The following GNA12 variants were observed in gnomAD, a reference collection of about 807,000 sequenced individuals.
The protein encoded by GNA12 is guanine nucleotide-binding protein subunit alpha-12.
A neutral mutation model predicts 26.0 loss-of-function variants in GNA12; 9 were observed. The ratio of observed to expected loss-of-function variants is 0.35; its 90% CI spans 0.21 to 0.60. The LOEUF (loss-of-function observed/expected upper bound fraction) is 0.60, where lower values mean the gene tolerates loss of function less well. GNA12 is among the 20% of genes least tolerant of loss of function. The pLI, the probability that GNA12 is intolerant of heterozygous loss-of-function variation, is 0.78. For synonymous variants in GNA12, 264 were observed against 219.6 expected, an observed-to-expected ratio of 1.20 and a Z score of -1.79; for missense variants, 405 against 525.8, an observed-to-expected ratio of 0.77 and a Z score of 2.25.
At chr7:2,796,794 G>T (rs1381019375) in intron 1 of GNA12, among the ~76,000 whole-genome samples, 1 of 152,198 alleles carries the variant, frequency 6.6e-6, no homozygotes, top group East Asian at 1.9e-4. Flanking sequence ...AACTAACATA[G>T]TATTAGGGAA....
At chr7:2,768,677 C>G (rs201707203) in intron 2 of GNA12, among the ~76,000 whole-genome samples, 2 of 78,022 alleles carry the variant, frequency 2.6e-5, no homozygotes, top group Admixed American at 1.4e-4. Context: ...AAAAAAAAAA[C>G]AAAACAAAAC....
At chr7:2,768,518 A>C (rs1461948038) in intron 2 of GNA12, among the ~76,000 whole-genome samples, 1 of 151,460 alleles carries the variant, frequency 6.6e-6, no homozygotes, top group Non-Finnish European at 1.5e-5. Flanking sequence ...TGCCCTTAAA[A>C]TCATGGATGT....
At chr7:2,812,636 A>ACATCACATC (rs1793107491) in intron 1 of GNA12, among the ~76,000 whole-genome samples, 1 of 134,094 alleles carries the variant, frequency 7.5e-6, no homozygotes, top group Non-Finnish European at 1.6e-5. Flanking sequence ...TCTCAAAAAT[A>ACATCACATC]ACATCACATC....
At chr7:2,786,640 C>T (rs1196769245) in intron 2 of GNA12, among the ~76,000 whole-genome samples, 1 of 152,218 alleles carries the variant, frequency 6.6e-6, no homozygotes, top group African/African-American at 2.4e-5. Context: ...TCCTCTCATG[C>T]ACCTGGTAGG....
chr7:2,788,760 C>T (rs888808153), intron 2 of GNA12, among the ~76,000 whole-genome samples: 1 of 152,214 alleles, frequency 6.6e-6, no homozygotes, highest in Non-Finnish European at 1.5e-5. Flanking sequence ...CCTGCTATGA[C>T]CACACTGCCT....
intron 2 of GNA12, chr7:2,760,469 GCCC>G (rs1272322303): frequency 1.3e-5 from 2 of 152,406 alleles, no homozygotes; most frequent in East Asian, 3.8e-4. Context: ...AACCACCCAG[GCCC>G]TTCTGCCTGT....
At chr7:2,765,136 G>A (rs916135266) in intron 2 of GNA12, 3 of 150,978 alleles carry the variant, frequency 2.0e-5, no homozygotes, top group Non-Finnish European at 4.4e-5. Context: ...GGGAAAAAAA[G>A]AATCACAGGC....
Position 2,806,015 on chromosome 7 carries a change from A to G in GNA12, c.310-10872T>C, listed in dbSNP as rs1474246434. ...TATACTGATTACATGTTGCAATTGTAATATTTTGGATATGTTGGATTCAAT... is the reference window on the plus strand; with the variant it reads ...TATACTGATTACATGTTGCAATTGTGATATTTTGGATATGTTGGATTCAAT... On this transcript the variant is annotated intron_variant, in intron 1 of 3. Coordinates refer to ENST00000275364, the MANE Select transcript of GNA12 (RefSeq NM_007353.3). Among the ~76,000 whole-genome samples, 6 of 152,234 alleles carry G rather than the reference A, an allele frequency of 3.9e-5. No individual in the cohort carries two copies. The South Asian group carries it at 1.2e-3, about 31-fold the overall frequency.
At chr7:2,803,529 G>C (rs1026375935) in intron 1 of GNA12, among the ~76,000 whole-genome samples, 4 of 152,214 alleles carry the variant, frequency 2.6e-5, no homozygotes, top group Admixed American at 1.3e-4. Context: ...GCAGAGCACG[G>C]AGAGCAGTGA....
At chr7:2,779,390 G>C (rs1215072205) in intron 2 of GNA12, among the ~76,000 whole-genome samples, 1 of 151,980 alleles carries the variant, frequency 6.6e-6, no homozygotes, top group Non-Finnish European at 1.5e-5. Context: ...CACACCGGTA[G>C]TTCTAGTTAC....
At chr7:2,765,276 T>C (rs992744289) in intron 2 of GNA12, among the ~76,000 whole-genome samples, 1 of 151,728 alleles carries the variant, frequency 6.6e-6, no homozygotes, top group African/African-American at 2.4e-5. Flanking sequence ...GCCTCCCGAG[T>C]AGCTGGGACC....
rs138228713 is a variant in GNA12, at chr7:2,733,321, C to G, written c.576+130G>C. 5.5e-4 allele frequency: 410 copies of G among 741,044 alleles called. 5 individuals carry two copies. The East Asian group carries it at 6.3e-3, about 11-fold the overall frequency. The allele number at this position is 741,044 out of a possible 1,614,324, so 45.9% of individuals were successfully genotyped here. On this transcript the variant is annotated intron_variant, in intron 3 of 3. Coordinates refer to ENST00000275364, the MANE Select transcript of GNA12 (RefSeq NM_007353.3). ...GAGAGCGTGCCATTACAGTACTATT[C>G]GTGGTAATGTGACAGAACAAGCTCG...
rs534873998 is a variant in GNA12, at chr7:2,770,675, C to G, written c.525+24253G>C. ...CAACAAAACAAAACAAAACAACACA[C>G]AGAAAGAAAGAAAGAAAAAGAACAA... On this transcript the variant is annotated intron_variant, in intron 2 of 3. Coordinates refer to ENST00000275364, the MANE Select transcript of GNA12 (RefSeq NM_007353.3). Among the ~76,000 whole-genome samples the G allele has an allele frequency of 2.2e-5, 3 of 139,436 alleles. No homozygotes were observed. The South Asian group carries it at 6.7e-4, about 31-fold the overall frequency. The allele number at this position is 139,436 out of a possible 152,430, so 91.5% of individuals were successfully genotyped here. A position where few individuals can be genotyped will look rare whatever the true frequency, so the allele number is the denominator to read the frequency against.
At chr7:2,829,090 A>G (rs892174701) in intron 1 of GNA12, among the ~76,000 whole-genome samples, 11 of 151,744 alleles carry the variant, frequency 7.2e-5, no homozygotes, top group African/African-American at 2.7e-4. Flanking sequence ...AAAAAAAAAG[A>G]AAAGAAAAAA....
chr7:2,838,244 G>A (rs77489147), intron 1 of GNA12, among the ~76,000 whole-genome samples: 1,628 of 149,858 alleles, frequency 0.011, 25 homozygotes, highest in African/African-American at 0.039. Flanking sequence ...GTAAACCTAG[G>A]GGAACTACCA....
At chr7:2,739,072 T>C (rs2115319018) in intron 2 of GNA12, among the ~76,000 whole-genome samples, 2 of 152,290 alleles carry the variant, frequency 1.3e-5, no homozygotes, top group Middle Eastern at 6.8e-3. Flanking sequence ...CTCCGCAGGG[T>C]GTGTCCTCGG....
chr7:2,760,376 G>C (rs1791500693), intron 2 of GNA12: 1 of 152,604 alleles, frequency 6.6e-6, no homozygotes, highest in African/African-American at 2.4e-5. Context: ...CAGAGGATCT[G>C]AACTGGCTCA....
chr7:2,805,806 A>T (rs1792932570), intron 1 of GNA12, among the ~76,000 whole-genome samples: 1 of 152,240 alleles, frequency 6.6e-6, no homozygotes, highest in Non-Finnish European at 1.5e-5. Context: ...ATATCTCCAG[A>T]CACTGAAAAC....
intron 2 of GNA12, among the ~76,000 whole-genome samples, chr7:2,764,136 T>C (rs999447062): frequency 2.0e-5 from 3 of 152,028 alleles, no homozygotes; most frequent in African/African-American, 7.2e-5. Flanking sequence ...CGTGGTGCAA[T>C]CATGGCTCAC....
Sources: allele counts gnomAD v4.1 joint callset (sites outside exome capture counted in the v4.1 genomes callset), GRCh38; gene constraint gnomAD v4.1.1; transcripts MANE v1.5; gene names NCBI Gene and HGNC (gene_info 2026-07-23, HGNC 2026-07-21).